CORIN: variants seen among roughly 807,000 people sequenced by gnomAD.
CORIN encodes the protein atrial natriuretic peptide-converting enzyme.
Under a neutral mutation model 125.3 loss-of-function variants are expected in CORIN, and 117 were observed. The ratio of observed to expected loss-of-function variants is 0.93; its 90% confidence interval spans 0.80 to 1.09. The LOEUF (loss-of-function observed/expected upper bound fraction) is 1.09, where lower values mean the gene tolerates loss of function less well. Ranked by LOEUF, CORIN falls within the 50% of genes least tolerant of loss-of-function variation. CORIN has a pLI of 0.00. For synonymous variants in CORIN, 450 were observed against 466.4 expected (o/e 0.96, Z 0.45); for missense variants, 1,253 against 1,306.7 (o/e 0.96, Z 0.63).
intron 4 of CORIN, among the ~76,000 whole-genome samples, chr4:47,752,671 T>C (rs1280014032): frequency 6.6e-6 from 1 of 152,190 alleles, no homozygotes; most frequent in African/African-American, 2.4e-5. Context: ...GTGTCCCTCT[T>C]AAAATACAGA....
intron 13 of CORIN, among the ~76,000 whole-genome samples, chr4:47,648,750 G>T (rs150777458): frequency 6.6e-6 from 1 of 152,154 alleles, no homozygotes; most frequent in Non-Finnish European, 1.5e-5. Flanking sequence ...GAGTGGAGCC[G>T]CTCACAAGGA....
intron 19 of CORIN, among the ~76,000 whole-genome samples, chr4:47,618,775 C>T (rs1367789093): frequency 2.0e-5 from 3 of 151,020 alleles, no homozygotes; most frequent in Admixed American, 6.6e-5. Context: ...GCCAAGATCG[C>T]GCGGCTGCAC....
At chr4:47,748,309 A>G (rs1728754551) in intron 4 of CORIN, among the ~76,000 whole-genome samples, 1 of 152,238 alleles carries the variant, frequency 6.6e-6, no homozygotes, top group Non-Finnish European at 1.5e-5. Context: ...TATCCAAGCA[A>G]CAAACAGATT....
chr4:47,766,530 C>T (rs1729749939), intron 3 of CORIN, among the ~76,000 whole-genome samples: 1 of 152,128 alleles, frequency 6.6e-6, no homozygotes, highest in African/African-American at 2.4e-5. Context: ...TCCAGTTTGA[C>T]ATGTGCCCAG....
intron 3 of CORIN, among the ~76,000 whole-genome samples, chr4:47,774,480 T>A (rs953473896): frequency 6.6e-6 from 1 of 152,138 alleles, no homozygotes; most frequent in East Asian, 1.9e-4. Flanking sequence ...ATAGTAGATA[T>A]ATAATTCTGA....
At position 47,674,427 on chromosome 4, in the gene CORIN, A is replaced by G; in HGVS notation, c.1323T>C (p.Ser441=). Reference sequence around the variant, plus strand: ...TCAGACTGTTGTTCGGGTCACAGAGAGAGCTACCACCACATGAATCAAGGC... The same window carrying G: ...TCAGACTGTTGTTCGGGTCACAGAGGGAGCTACCACCACATGAATCAAGGC... The part of the protein sequence containing the change: ...NPCLDSCGGS[S]LCDPNNSLNN... Residue 441 remains serine, a synonymous_variant, in exon 10 of 22, where the codon TCT becomes TCC. Coordinates refer to ENST00000273857, the MANE Select transcript of CORIN (RefSeq NM_006587.4). 2 of 1,613,952 alleles carry G rather than the reference A, an allele frequency of 1.2e-6. No homozygotes were observed. Among genetic ancestry groups the G allele is most frequent in the South Asian group, 2.2e-5 (2 of 91,088 alleles).
At chr4:47,624,319 A>AG (rs1722465105) in intron 17 of CORIN, among the ~76,000 whole-genome samples, 1 of 152,124 alleles carries the variant, frequency 6.6e-6, no homozygotes, top group South Asian at 2.1e-4. Context: ...ACAGTTCTCA[A>AG]GGGGAGATGG....
At chr4:47,663,448 C>T (rs931765229) in intron 11 of CORIN, among the ~76,000 whole-genome samples, 3 of 151,942 alleles carry the variant, frequency 2.0e-5, no homozygotes, top group East Asian at 1.9e-4. Context: ...ATATAAAATT[C>T]GTAGTGATAG....
chr4:47,812,406 G>T (rs748853533), intron 1 of CORIN, among the ~76,000 whole-genome samples: 1 of 152,284 alleles, frequency 6.6e-6, no homozygotes, highest in Admixed American at 6.5e-5. Flanking sequence ...TTAGGAAGCT[G>T]AGGTGGGAGG....
intron 5 of CORIN, among the ~76,000 whole-genome samples, chr4:47,698,628 C>T (rs77880908): frequency 0.1 from 15,429 of 151,938 alleles, 1,110 homozygotes; most frequent in East Asian, 0.24. Context: ...TAAAGGATTG[C>T]TCTGCCTATT....
intron 2 of CORIN, among the ~76,000 whole-genome samples, chr4:47,787,281 C>A (rs189043671): frequency 5.9e-5 from 9 of 152,274 alleles, no homozygotes; most frequent in Non-Finnish European, 1.2e-4. Flanking sequence ...GTGAATCTTA[C>A]AGCATTCTCT....
At chr4:47,690,454 T>G (rs1725716325) in intron 6 of CORIN, among the ~76,000 whole-genome samples, 1 of 152,222 alleles carries the variant, frequency 6.6e-6, no homozygotes. Flanking sequence ...TCACAAATAA[T>G]AAGTCCCTTT....
intron 9 of CORIN, among the ~76,000 whole-genome samples, chr4:47,675,158 G>A (rs61760498): frequency 3.2e-4 from 48 of 152,278 alleles, no homozygotes; most frequent in Non-Finnish European, 2.4e-4. Context: ...AGGTAGAGAG[G>A]AAACTGCTTT....
intron 10 of CORIN, among the ~76,000 whole-genome samples, chr4:47,670,598 C>A (rs1400625723): frequency 6.6e-6 from 1 of 152,144 alleles, no homozygotes; most frequent in Middle Eastern, 3.2e-3. Context: ...TAAAGGTTGA[C>A]GAACACTGTG....
At chr4:47,600,139 G>T (rs868350209) in intron 21 of CORIN, 75 bp downstream of exon 21, 3 of 1,315,098 alleles carry the variant, frequency 2.3e-6, no homozygotes, top group African/African-American at 3.0e-5. Context: ...AGGGCCATAC[G>T]TAATAATGAG....
chr4:47,679,237 T>C (rs912171668), intron 8 of CORIN, among the ~76,000 whole-genome samples: 1 of 152,262 alleles, frequency 6.6e-6, no homozygotes, highest in Non-Finnish European at 1.5e-5. Context: ...ATGGGTATAG[T>C]ATATTTTCCA....
chr4:47,682,841 A>T (rs1300531960), intron 7 of CORIN: 6 of 152,188 alleles, frequency 3.9e-5, no homozygotes, highest in Admixed American at 2.6e-4. Flanking sequence ...ATTTTAAAAT[A>T]TTTTTACAGA....
chr4:47,805,691 A>G (rs1229210959), intron 2 of CORIN, among the ~76,000 whole-genome samples: 9 of 152,154 alleles, frequency 5.9e-5, no homozygotes, highest in Admixed American at 5.9e-4. Flanking sequence ...TAGCAGATCA[A>G]TGTTATTTTC....
intron 1 of CORIN, among the ~76,000 whole-genome samples, chr4:47,824,478 T>TTTTC (rs746269399): frequency 1.1e-4 from 17 of 152,198 alleles, no homozygotes; most frequent in African/African-American, 4.1e-4. Context: ...TAGGAAAAGC[T>TTTTC]TTTCTTTCTT....
Sources: allele counts gnomAD v4.1 joint callset (sites outside exome capture counted in the v4.1 genomes callset), GRCh38; gene constraint gnomAD v4.1.1; transcripts MANE v1.5; gene names NCBI Gene and HGNC (gene_info 2026-07-23, HGNC 2026-07-21).